Variants in INPP4B observed in about 807,000 individuals in gnomAD.
The protein encoded by INPP4B is inositol polyphosphate 4-phosphatase type II.
INPP4B carries 55 observed loss-of-function variants against 122.5 expected under a neutral mutation model. The ratio of observed to expected loss-of-function variants is 0.45; its 90% CI spans 0.36 to 0.56. The LOEUF (loss-of-function observed/expected upper bound fraction) is 0.56. INPP4B is among the 20% of genes least tolerant of loss of function. The pLI, the probability that INPP4B is intolerant of heterozygous loss-of-function variation, is 0.00. For missense variants in INPP4B, 1,000 were observed against 1,097.7 expected (o/e 0.91, Z 1.26); for synonymous variants, 403 against 388.7 (o/e 1.04, Z -0.43).
rs1269471290 is a variant in INPP4B at position 142,248,428 on chromosome 4, C to G, written c.689-10417G>C. Among the ~76,000 whole-genome samples, 4 of 149,778 alleles carry G rather than the reference C, an allele frequency of 2.7e-5. No homozygotes were observed. The East Asian group carries it at 6.0e-4, about 22-fold the overall frequency. ...TCTTGGCTCACTGCAACCTCCGCCT[C>G]CCGGGTTCAAGTGATTCTCCTGCCT... is the stretch of plus-strand genomic sequence containing the variant. On this transcript the variant is annotated intron_variant, in intron 11 of 25. Coordinates refer to ENST00000262992, the MANE Select transcript of INPP4B (RefSeq NM_001101669.3).
intron 2 of INPP4B, among the ~76,000 whole-genome samples, chr4:142,611,858 G>T (rs1742613497): frequency 6.6e-6 from 1 of 151,610 alleles, no homozygotes; most frequent in Non-Finnish European, 1.5e-5. Flanking sequence ...TAGTAGAGAT[G>T]GGGTTTCACC....
chr4:142,363,789 G>A (rs1358077036), intron 7 of INPP4B, among the ~76,000 whole-genome samples: 2 of 152,052 alleles, frequency 1.3e-5, no homozygotes, highest in East Asian at 3.9e-4. Flanking sequence ...AAGGTTTTCA[G>A]ATATTATCTC....
chr4:142,033,894 T>G (rs896843611), intron 25 of INPP4B, among the ~76,000 whole-genome samples: 7 of 152,176 alleles, frequency 4.6e-5, no homozygotes, highest in Non-Finnish European at 2.9e-5. Flanking sequence ...CTCGAACTCC[T>G]AGGCTCAAGC....
intron 12 of INPP4B, among the ~76,000 whole-genome samples, chr4:142,218,899 C>A (rs562901130): frequency 6.6e-6 from 1 of 152,268 alleles, no homozygotes; most frequent in East Asian, 1.9e-4. Context: ...GCTTCAATTT[C>A]ATAAAGTGGT....
intron 7 of INPP4B, among the ~76,000 whole-genome samples, chr4:142,340,958 T>C (rs1778511394): frequency 6.6e-6 from 1 of 152,202 alleles, no homozygotes; most frequent in South Asian, 2.1e-4. Flanking sequence ...GAGCTTAAAC[T>C]TCATAGCCAC....
intron 21 of INPP4B, among the ~76,000 whole-genome samples, chr4:142,115,559 C>A (rs1792776344): frequency 6.6e-6 from 1 of 152,158 alleles, no homozygotes; most frequent in Non-Finnish European, 1.5e-5. Context: ...TCCAGCCAAA[C>A]TAAGCTTCAT....
intron 14 of INPP4B, among the ~76,000 whole-genome samples, chr4:142,205,590 CATT>C (rs1339707400): frequency 6.6e-6 from 1 of 152,038 alleles, no homozygotes; most frequent in East Asian, 1.9e-4. Context: ...ATAAAGCTAC[CATT>C]ATTTTATCAT....
rs1277432026 is a variant in INPP4B, at chr4:142,651,026, A to G, written c.-191+74813T>C. 3.3e-5 allele frequency among the ~76,000 whole-genome samples: 5 copies of G among 152,230 alleles called. No homozygotes were observed. The East Asian group carries it at 9.6e-4, about 29-fold the overall frequency. The stretch of plus-strand genomic sequence containing the variant: ...CAGAAATCACAACAAACAGTCTCTC[A>G]GAACAGAGTGCAATCAAATTAGAAC... On this transcript the variant is annotated intron_variant, in intron 2 of 25. Coordinates refer to ENST00000262992, the MANE Select transcript of INPP4B (RefSeq NM_001101669.3).
At chr4:142,746,876 A>G (rs1768835199) in intron 1 of INPP4B, among the ~76,000 whole-genome samples, 1 of 152,184 alleles carries the variant, frequency 6.6e-6, no homozygotes, top group Admixed American at 6.6e-5. Context: ...TTAACTCAAG[A>G]TGGATTAAAG....
intron 17 of INPP4B, 126 bp downstream of exon 17, chr4:142,160,231 AT>A: frequency 1.6e-6 from 1 of 643,836 alleles, no homozygotes; most frequent in Non-Finnish European, 2.4e-6. Context: ...AATGTGGCCT[AT>A]TTATCCACAA....
At chr4:142,682,361 T>C (rs1379887512) in intron 2 of INPP4B, among the ~76,000 whole-genome samples, 2 of 151,738 alleles carry the variant, frequency 1.3e-5, no homozygotes, top group East Asian at 1.9e-4. Flanking sequence ...ATAAAAGAAA[T>C]GCCTTTTCTT....
intron 9 of INPP4B, among the ~76,000 whole-genome samples, chr4:142,286,625 T>C (rs1753842242): frequency 6.6e-6 from 1 of 152,156 alleles, no homozygotes; most frequent in Admixed American, 6.6e-5. Context: ...ATCAGACTTC[T>C]TAGGGAAGAG....
intron 25 of INPP4B, among the ~76,000 whole-genome samples, chr4:142,051,002 T>C (rs760037343): frequency 6.6e-6 from 1 of 152,066 alleles, no homozygotes; most frequent in African/African-American, 2.4e-5. Context: ...TCCAAACTTA[T>C]TTATTCCCTA....
At chr4:142,086,890 TG>T (rs1209608362) in intron 23 of INPP4B, among the ~76,000 whole-genome samples, 1 of 152,198 alleles carries the variant, frequency 6.6e-6, no homozygotes, top group East Asian at 1.9e-4. Context: ...ATAGATGTCA[TG>T]AGATATAACT....
At chr4:142,367,271 T>C (rs943728491) in intron 7 of INPP4B, among the ~76,000 whole-genome samples, 24 of 151,806 alleles carry the variant, frequency 1.6e-4, no homozygotes, top group African/African-American at 5.1e-4. Context: ...CGTTATGTTC[T>C]TTTTACCTGT....
At chr4:142,559,002 C>T (rs542190854) in intron 2 of INPP4B, among the ~76,000 whole-genome samples, 2 of 151,918 alleles carry the variant, frequency 1.3e-5, no homozygotes, top group South Asian at 2.1e-4. Flanking sequence ...TAGAACGCTG[C>T]GAAGCCCAAC....
At chr4:142,119,513 G>A (rs1795484395) in intron 21 of INPP4B, among the ~76,000 whole-genome samples, 1 of 151,952 alleles carries the variant, frequency 6.6e-6, no homozygotes, top group Admixed American at 6.6e-5. Context: ...GGATGAAGGT[G>A]GAAACCATCA....
At position 142,384,130 on chromosome 4, in the gene INPP4B, G is replaced by A. The variant is rs567672681; in HGVS notation, c.372+18808C>T. The stretch of plus-strand genomic sequence containing the variant: ...TGAGTTAGCTATCTTGGGAAGAAAA[G>A]TGTGATCAGTAAGTTTCCAATCTGA... On this transcript the variant is annotated intron_variant, in intron 7 of 25. Transcript: ENST00000262992. The A allele has an allele frequency of 2.1e-5, 15 of 702,036 alleles. No individual in the cohort carries two copies. The African/African-American group carries it at 2.4e-4, about 11-fold the overall frequency. 43.5% of individuals were successfully genotyped at this position (702,036 alleles called of 1,614,324 possible).
At position 142,208,876 on chromosome 4, in the gene INPP4B, T is replaced by G. The variant is rs573013895; in HGVS notation, c.967+20A>C. On this transcript the variant is annotated intron_variant, in intron 13 of 25. Transcript: ENST00000262992. ...GGAAATGCAATTCACTTTGAGTAAG[T>G]AGAGAAATTGCTTCCACACCTGTTT... The G allele has an allele frequency of 1.3e-5, 20 of 1,498,362 alleles. No individual in the cohort carries two copies. In the African/African-American group the frequency reaches 2.1e-4, roughly 16 times the overall value. The allele number at this position is 1,498,362 out of a possible 1,614,324, so 92.8% of individuals were successfully genotyped here.
Sources: allele counts gnomAD v4.1 joint callset (sites outside exome capture counted in the v4.1 genomes callset), GRCh38; gene constraint gnomAD v4.1.1; transcripts MANE v1.5; gene names NCBI Gene and HGNC (gene_info 2026-07-23, HGNC 2026-07-21).